Variants in KCNK12 observed in about 807,000 individuals in gnomAD.
KCNK12 encodes potassium channel subfamily K member 12.
In KCNK12, 6 loss-of-function variants were observed where a neutral mutation model predicts 25.3. That is an observed-to-expected ratio of 0.24 (90% CI 0.13 to 0.47). The LOEUF (loss-of-function observed/expected upper bound fraction) is 0.47, where lower values mean the gene tolerates loss of function less well. Among genes scored for constraint, KCNK12 ranks in the 20% least tolerant of loss-of-function variants. The pLI is 0.99. For missense variants in KCNK12, 444 were observed against 661.7 expected (o/e 0.67, Z 3.61); for synonymous variants, 331 against 311.1 (o/e 1.06, Z -0.67).
rs1008198247 is a variant in KCNK12 at position 47,562,833 on chromosome 2, TA to T, written c.391+7107del. 96 of 233,076 alleles carry T rather than the reference TA, an allele frequency of 4.1e-4. No homozygotes were observed. The highest frequency in any genetic ancestry group is 2.0e-3 in the African/African-American group (93 of 45,408). 14.4% of individuals were successfully genotyped at this position (233,076 alleles called of 1,614,324 possible). A position where few individuals can be genotyped will look rare whatever the true frequency, so the allele number is the denominator to read the frequency against. ...CTGCAGAGAGTATGACCGTGTCTCT[TA>T]AAAAAACTTTGGTGAGGATCAGAGG... On this transcript the variant is annotated intron_variant, in intron 1 of 1. Coordinates refer to ENST00000327876, the MANE Select transcript of KCNK12 (RefSeq NM_022055.2). The surrounding 1 kb of genome is among the most constrained non-coding windows in gnomAD (Gnocchi z 4.8).
chr2:47,537,900 C>T (rs1447176465), intron 1 of KCNK12, among the ~76,000 whole-genome samples: 1 of 152,156 alleles, frequency 6.6e-6, no homozygotes, highest in Non-Finnish European at 1.5e-5. Context: ...GCCATTGGAA[C>T]TGAGTAGTGA....
In KCNK12 at chr2:47,528,539, C is replaced by T. The variant is rs1166195279; in HGVS notation, c.392-6731G>A. Among the ~76,000 whole-genome samples the T allele has an allele frequency of 1.3e-5, 2 of 152,212 alleles. No homozygotes were observed. The highest frequency in any genetic ancestry group is 4.8e-5 in the African/African-American group (2 of 41,460). On this transcript the variant is annotated intron_variant, in intron 1 of 1. Transcript: ENST00000327876. This position sits in a 1 kb window ranked among gnomAD's most constrained non-coding sequence, Gnocchi z 4.5. The stretch of plus-strand genomic sequence containing the variant: ...GGAGCCAAGCTGCTCTGGAGAGGGG[C>T]CTCAAAGCTTCAGCCAGAGAAAAGG...
In KCNK12 at chr2:47,521,067, T is replaced by C. The variant is rs1668641671; in HGVS notation, c.1133A>G (p.Asn378Ser). 7.3e-7 allele frequency: 1 copy of C among 1,370,982 alleles called. No homozygotes were observed. Among genetic ancestry groups the C allele is most frequent in the Non-Finnish European group, 9.4e-7 (1 of 1,060,308 alleles). 84.9% of individuals were successfully genotyped at this position (1,370,982 alleles called of 1,614,324 possible). ...LISMRDLTAS[N>S]KVSLALLQKQ... ...CTGCAGCAGCGCCAGCGACACCTTG[T>C]TGGAGGCCGTGAGGTCGCGCATGGA... Residue 378 changes from asparagine (N) to serine (S), a missense_variant, in exon 2 of 2, where the codon AAC becomes AGC. Coordinates refer to ENST00000327876, the MANE Select transcript of KCNK12 (RefSeq NM_022055.2).
At chr2:47,552,410 C>T (rs1669456062) in intron 1 of KCNK12, among the ~76,000 whole-genome samples, 1 of 152,160 alleles carries the variant, frequency 6.6e-6, no homozygotes, top group East Asian at 1.9e-4. Context: ...GTGGCTGCAG[C>T]ATCTTCAACT....
rs939068747 is a variant in KCNK12 at position 47,565,868 on chromosome 2, G to A, written c.391+4073C>T. The A allele has an allele frequency of 6.6e-6, 1 of 152,244 alleles. No individual in the cohort carries two copies. Among genetic ancestry groups the A allele is most frequent in the African/African-American group, 2.4e-5 (1 of 41,456 alleles). The allele number at this position is 152,244 out of a possible 1,614,324, so 9.4% of individuals were successfully genotyped here. On this transcript the variant is annotated intron_variant, in intron 1 of 1. Coordinates refer to ENST00000327876, the MANE Select transcript of KCNK12 (RefSeq NM_022055.2). This position sits in a 1 kb window ranked among gnomAD's most constrained non-coding sequence, Gnocchi z 5.0. ...AGTTCATACAATCACAGGAAGTGCA[G>A]ACAACATGCCAAAGGCCACACATGC...
At chr2:47,554,539 T>C (rs1003121099) in intron 1 of KCNK12, among the ~76,000 whole-genome samples, 1 of 152,118 alleles carries the variant, frequency 6.6e-6, no homozygotes, top group Non-Finnish European at 1.5e-5. Context: ...CTGATCTGGG[T>C]AAGTCCAGCG....
rs1326257483 is a variant in KCNK12 at position 47,548,843 on chromosome 2, C to G, written c.391+21098G>C. On this transcript the variant is annotated intron_variant, in intron 1 of 1. Coordinates refer to ENST00000327876, the MANE Select transcript of KCNK12 (RefSeq NM_022055.2). The surrounding 1 kb of genome is among the most constrained non-coding windows in gnomAD (Gnocchi z 4.4). ...TGGGAGTGGAGAGATCCAGACAGAG[C>G]CCAGAACTCTTGCTGAATTGAGGGG... Among the ~76,000 whole-genome samples the G allele has an allele frequency of 6.6e-6, 1 of 152,134 alleles. No homozygotes were observed. Among genetic ancestry groups the G allele is most frequent in the Non-Finnish European group, 1.5e-5 (1 of 68,024 alleles).
rs950553946 is a variant in KCNK12, at chr2:47,525,144, C to T, written c.392-3336G>A. 6.6e-6 allele frequency among the ~76,000 whole-genome samples: 1 copy of T among 152,226 alleles called. No homozygotes were observed. The highest frequency in any genetic ancestry group is 2.4e-5 in the African/African-American group (1 of 41,466). ...AAGAGAAGTTCCAGACACATCCATG[C>T]TGGACTTAATAAAACAGCAAAACAG... is the stretch of plus-strand genomic sequence containing the variant. On this transcript the variant is annotated intron_variant, in intron 1 of 1. Transcript: ENST00000327876. The surrounding 1 kb of genome is among the most constrained non-coding windows in gnomAD (Gnocchi z 4.1).
At chr2:47,530,324 T>C (rs550507294) in intron 1 of KCNK12, among the ~76,000 whole-genome samples, 23 of 152,230 alleles carry the variant, frequency 1.5e-4, no homozygotes, top group Non-Finnish European at 3.2e-4. Flanking sequence ...ACTGGACACT[T>C]GAGAGGGCAC....
At chr2:47,553,187 C>T (rs546778875) in intron 1 of KCNK12, among the ~76,000 whole-genome samples, 5 of 152,284 alleles carry the variant, frequency 3.3e-5, no homozygotes, top group South Asian at 2.1e-4. Context: ...TCCAATGTGA[C>T]GAATTCTGCT....
At position 47,548,259 on chromosome 2, in the gene KCNK12, T is replaced by G. The variant is rs1669353976; in HGVS notation, c.391+21682A>C. Reference sequence around the variant, plus strand: ...TGCTTTAGCCAGGGTTAAGAACCAGTGGTCTATAGGCTGGCAAATCCCAAA... The same window carrying G: ...TGCTTTAGCCAGGGTTAAGAACCAGGGGTCTATAGGCTGGCAAATCCCAAA... On this transcript the variant is annotated intron_variant, in intron 1 of 1. Coordinates refer to ENST00000327876, the MANE Select transcript of KCNK12 (RefSeq NM_022055.2). The surrounding 1 kb of genome is among the most constrained non-coding windows in gnomAD (Gnocchi z 4.4). Among the ~76,000 whole-genome samples, 1 of 152,224 alleles carries G rather than the reference T, an allele frequency of 6.6e-6. No homozygotes were observed.
In KCNK12 at chr2:47,511,634, C is replaced by G. The variant is rs1460758954; in HGVS notation, c.*9273G>C. Among the ~76,000 whole-genome samples, 1 of 152,110 alleles carries G rather than the reference C, an allele frequency of 6.6e-6. No individual in the cohort carries two copies. Among genetic ancestry groups the G allele is most frequent in the Non-Finnish European group, 1.5e-5 (1 of 68,012 alleles). On this transcript the variant is annotated 3_prime_UTR_variant, in exon 2 of 2. Transcript: ENST00000327876. The surrounding 1 kb of genome is among the most constrained non-coding windows in gnomAD (Gnocchi z 4.3). ...TGCACGGTGAACAGCAGGTGGGGGT[C>G]TTTCCATAGGGGATGAGGAAGACAA...
chr2:47,570,231 T>A lies in KCNK12; in HGVS notation c.101A>T (p.Glu34Val), dbSNP rs1167564308. 6.8e-7 allele frequency: 1 copy of A among 1,474,970 alleles called. No individual in the cohort carries two copies. Among genetic ancestry groups the A allele is most frequent in the Non-Finnish European group, 9.0e-7 (1 of 1,114,576 alleles). 91.4% of individuals were successfully genotyped at this position (1,474,970 alleles called of 1,614,324 possible). The change falls in exon 1 of 2, where the codon GAG (glutamate) becomes GTG (valine). Residue 34 changes from glutamate to valine, a missense_variant. Glu to Val is a moderately radical substitution (Grantham distance 121). Around this residue, in one of 8 missense-constraint regions of KCNK12, gnomAD observed 67 missense variants for 59.2 expected, o/e 1.13. Transcript: ENST00000327876. Reference sequence around the variant, plus strand: ...CAGCAGCACGAAGCGGCCGGTGTCCTCGTTGAGGTGCGAACGGCGGCAGCA... The same window carrying A: ...CAGCAGCACGAAGCGGCCGGTGTCCACGTTGAGGTGCGAACGGCGGCAGCA... ...CCCCRRSHLN[E>V]DTGRFVLLAA...
rs1246547661 is a variant in KCNK12 at position 47,529,808 on chromosome 2, A to G, written c.392-8000T>C. On this transcript the variant is annotated intron_variant, in intron 1 of 1. Coordinates refer to ENST00000327876, the MANE Select transcript of KCNK12 (RefSeq NM_022055.2). The surrounding 1 kb of genome is among the most constrained non-coding windows in gnomAD (Gnocchi z 4.3). ...CCATGGCTCATTAGGGTTGCCAGGT[A>G]AAATACAGAACACCCAGTTAAATAT... Among the ~76,000 whole-genome samples the G allele has an allele frequency of 6.6e-6, 1 of 152,242 alleles. No individual in the cohort carries two copies. Among genetic ancestry groups the G allele is most frequent in the Non-Finnish European group, 1.5e-5 (1 of 68,040 alleles).
In KCNK12 at chr2:47,528,728, T is replaced by C. The variant is rs1668849660; in HGVS notation, c.392-6920A>G. 6.6e-6 allele frequency among the ~76,000 whole-genome samples: 1 copy of C among 152,252 alleles called. No homozygotes were observed. The highest frequency in any genetic ancestry group is 2.4e-5 in the African/African-American group (1 of 41,474). On this transcript the variant is annotated intron_variant, in intron 1 of 1. Transcript: ENST00000327876. This position sits in a 1 kb window ranked among gnomAD's most constrained non-coding sequence, Gnocchi z 4.5. Reference sequence around the variant, plus strand: ...ACACTTGGGGGCTTTATTATGCCACTTTGACAAAAGCTGTGAAGCTCGTTC... The same window carrying C: ...ACACTTGGGGGCTTTATTATGCCACCTTGACAAAAGCTGTGAAGCTCGTTC...
In KCNK12 at chr2:47,551,003, C is replaced by T. The variant is rs1042380471; in HGVS notation, c.391+18938G>A. Among the ~76,000 whole-genome samples, 1 of 151,954 alleles carries T rather than the reference C, an allele frequency of 6.6e-6. No homozygotes were observed. The highest frequency in any genetic ancestry group is 1.5e-5 in the Non-Finnish European group (1 of 68,010). ...TCTTTTGTCTCCCTGCTTTTTTTAA[C>T]CTAAGTTTTGCCTCAGGATCTAATC... is the stretch of plus-strand genomic sequence containing the variant. On this transcript the variant is annotated intron_variant, in intron 1 of 1. Transcript: ENST00000327876. This position sits in a 1 kb window ranked among gnomAD's most constrained non-coding sequence, Gnocchi z 5.3.
chr2:47,523,585 C>T (rs34222005), intron 1 of KCNK12, among the ~76,000 whole-genome samples: 18,270 of 152,250 alleles, frequency 0.12, 1,274 homozygotes, highest in Non-Finnish European at 0.16. Flanking sequence ...CCAGTGTGCT[C>T]GCCCATGCCA....
Position 47,521,483 on chromosome 2 carries a change from C to T in KCNK12, c.717G>A (p.Glu239=), listed in dbSNP as rs1352566648. The change falls in exon 2 of 2, where the codon GAG becomes GAA. Residue 239 remains glutamate, a synonymous_variant. Transcript: ENST00000327876. ...AGAGCGAGTCCACGTAGTCCCAGCC[C>T]TCCACGCTGGTGTACATGGCCGAGG... ...CCASAMYTSV[E]GWDYVDSLYF... is the part of the protein sequence containing the mutation. The T allele has an allele frequency of 3.1e-6, 5 of 1,607,908 alleles. No homozygotes were observed. Among genetic ancestry groups the T allele is most frequent in the Non-Finnish European group, 4.2e-6 (5 of 1,177,450 alleles).
chr2:47,540,367 C>T lies in KCNK12; in HGVS notation c.392-18559G>A, dbSNP rs372661055. Among the ~76,000 whole-genome samples, 98 of 152,312 alleles carry T rather than the reference C, an allele frequency of 6.4e-4. No individual in the cohort carries two copies. The highest frequency in any genetic ancestry group is 2.2e-3 in the African/African-American group (93 of 41,554). ...GTGTCCGGCCTGGGACGTGAGAGGG[C>T]ATGGGCTCACCTGCTCAGGGTTTGA... On this transcript the variant is annotated intron_variant, in intron 1 of 1. Coordinates refer to ENST00000327876, the MANE Select transcript of KCNK12 (RefSeq NM_022055.2). This position sits in a 1 kb window ranked among gnomAD's most constrained non-coding sequence, Gnocchi z 5.4.
Sources: gnomAD v4.1 joint callset for allele counts (sites outside exome capture counted in the v4.1 genomes callset) on GRCh38, gnomAD v4.1.1 for gene constraint, gnomAD v4.1.1 regional missense constraint, Gnocchi (gnomAD v3.1) non-coding constraint, MANE v1.5 for transcripts, NCBI Gene and HGNC (gene_info 2026-07-23, HGNC 2026-07-21) for gene names.